RPUSD4: variants seen among roughly 807,000 people sequenced by gnomAD.
The protein encoded by RPUSD4 is pseudouridylate synthase RPUSD4, mitochondrial.
A neutral mutation model predicts 35.4 loss-of-function variants in RPUSD4; 37 were observed. The observed-to-expected ratio is 1.04, with a 90% confidence interval of 0.80 to 1.37. The LOEUF (loss-of-function observed/expected upper bound fraction) is 1.37, where lower values mean the gene tolerates loss of function less well. Among genes scored for constraint, RPUSD4 ranks in the 40% most tolerant of loss-of-function variants. RPUSD4 has a pLI of 0.00. For missense variants in RPUSD4, 507 were observed against 484.9 expected, an observed-to-expected ratio of 1.05 and a Z score of -0.43; for synonymous variants, 210 against 192.7, an observed-to-expected ratio of 1.09 and a Z score of -0.74.
At chr11:126,207,507 A>G (rs960204758) in intron 3 of RPUSD4, among the ~76,000 whole-genome samples, 6 of 152,246 alleles carry the variant, frequency 3.9e-5, no homozygotes, top group African/African-American at 1.4e-4. Flanking sequence ...AAGGACTAAC[A>G]TTCAAAATAT....
chr11:126,207,623 A>C (rs1211231659), intron 3 of RPUSD4, among the ~76,000 whole-genome samples: 1 of 152,232 alleles, frequency 6.6e-6, no homozygotes, highest in Non-Finnish European at 1.5e-5. Flanking sequence ...ACTTTGATGG[A>C]CAGATCACTT....
chr11:126,206,001 G>T, intron 3 of RPUSD4: 2 of 410,010 alleles, frequency 4.9e-6, no homozygotes, highest in Non-Finnish European at 4.3e-6. Flanking sequence ...GCTAATTGTA[G>T]AATATTTGGG....
chr11:126,211,137 C>A (rs1326002294), intron 1 of RPUSD4, 82 bp from the exon 2 acceptor site: 12 of 1,487,726 alleles, frequency 8.1e-6, no homozygotes, highest in East Asian at 2.3e-5. Flanking sequence ...GGGTGAGAAT[C>A]TGAGTAGGGA....
In RPUSD4 at chr11:126,203,380, TCA is replaced by T. The variant is rs1949733427; in HGVS notation, c.*36_*37del. The T allele has an allele frequency of 8.8e-6, 14 of 1,598,014 alleles. No homozygotes were observed. Among genetic ancestry groups the T allele is most frequent in the Non-Finnish European group, 1.2e-5 (14 of 1,177,086 alleles). On this transcript the variant is annotated 3_prime_UTR_variant, in exon 7 of 7. Coordinates refer to ENST00000298317, the MANE Select transcript of RPUSD4 (RefSeq NM_032795.3). Reference sequence around the variant, plus strand: ...AGGTGCCAGGATGCTCTCAGGGTCTTCACTGTGCTCCCAGGTGCCAGGGTGCT... The same window carrying T: ...AGGTGCCAGGATGCTCTCAGGGTCTTCTGTGCTCCCAGGTGCCAGGGTGCT...
intron 5 of RPUSD4, among the ~76,000 whole-genome samples, 178 bp downstream of exon 5, chr11:126,205,290 T>G (rs552987289): frequency 5.9e-5 from 9 of 152,348 alleles, no homozygotes; most frequent in Non-Finnish European, 1.0e-4. Context: ...GCATTCAACC[T>G]GTTTGTATTC....
chr11:126,205,324 C>A (rs676982), intron 5 of RPUSD4, 144 bp downstream of exon 5: 719,668 of 931,958 alleles, frequency 0.77, 281,305 homozygotes, highest in East Asian at 1. Flanking sequence ...AACCATCTCT[C>A]TGGGAGTCCC....
rs372897640 is a variant in RPUSD4 at position 126,205,598 on chromosome 11, C to T, written c.666G>A (p.Pro222=). ...TTTTCCCATCGTCCATGCGGTAGCT[C>T]GGGGACAATGTCATCTGAAGCCAAA... The part of the protein sequence containing the change: ...QQQHHKMTLS[P]SYRMDDGKMV... The change falls in exon 5 of 7, where the codon CCG becomes CCA. Residue 222 remains proline, a synonymous_variant. Transcript: ENST00000298317. 1.4e-5 allele frequency: 22 copies of T among 1,614,056 alleles called. No homozygotes were observed. Among genetic ancestry groups the T allele is most frequent in the African/African-American group, 5.3e-5 (4 of 74,950 alleles).
At chr11:126,203,937 T>C (rs1949741525) in intron 6 of RPUSD4, among the ~76,000 whole-genome samples, 1 of 152,114 alleles carries the variant, frequency 6.6e-6, no homozygotes, top group African/African-American at 2.4e-5. Context: ...GGTTTTTTAG[T>C]AGCACCATGA....
chr11:126,206,827 A>C (rs1304957364), intron 3 of RPUSD4, among the ~76,000 whole-genome samples: 3 of 152,186 alleles, frequency 2.0e-5, no homozygotes, highest in Non-Finnish European at 4.4e-5. Flanking sequence ...CTTCAGTTTC[A>C]GCTACTATCT....
At position 126,209,549 on chromosome 11, in the gene RPUSD4, T is replaced by A; in HGVS notation, c.529A>T (p.Arg177Ter). Residue 177 changes from arginine to a stop codon, truncating the protein, a stop_gained, in exon 3 of 7, where the codon AGA becomes TGA. Coordinates refer to ENST00000298317, the MANE Select transcript of RPUSD4 (RefSeq NM_032795.3). LOFTEE classifies it high-confidence loss of function. ...TACTTCTTCACCACCTGACGGGTTC[T>A]AAACAACTCTTGGACTTGATGTGCC... Reference protein sequence around the residue: ...DMAHQVQELFRTRQVVKKYWA... With the variant: ...DMAHQVQELF 6.2e-7 allele frequency: 1 copy of A among 1,614,256 alleles called. No homozygotes were observed. The highest frequency in any genetic ancestry group is 8.5e-7 in the Non-Finnish European group (1 of 1,180,050).
rs758906218 is a variant in RPUSD4 at position 126,203,576 on chromosome 11, G to A, written c.976C>T (p.Gln326Ter). 1 of 1,614,236 alleles carries A rather than the reference G, an allele frequency of 6.2e-7. No homozygotes were observed. Among genetic ancestry groups the A allele is most frequent in the Admixed American group, 1.7e-5 (1 of 60,032 alleles). ...GACCCCAGGGCAGGCAGGATCAGCT[G>A]CCGGGCGTGCAGGTGAAGGGGGATG... ...RYIPLHLHAR[Q>*]LILPALGSGK... Residue 326 changes from glutamine to a stop codon, truncating the protein, a stop_gained, in exon 7 of 7, where the codon CAG becomes TAG. Coordinates refer to ENST00000298317, the MANE Select transcript of RPUSD4 (RefSeq NM_032795.3). LOFTEE classifies it low-confidence loss of function (END_TRUNC).
intron 5 of RPUSD4, 87 bp downstream of exon 5, chr11:126,205,381 C>T (rs1949760472): frequency 3.3e-6 from 5 of 1,523,622 alleles, no homozygotes; most frequent in Non-Finnish European, 1.8e-6. Context: ...AAGTCAGCCA[C>T]ACTACTAGCT....
chr11:126,209,971 T>G (rs1021563204), intron 2 of RPUSD4, among the ~76,000 whole-genome samples: 1 of 152,212 alleles, frequency 6.6e-6, no homozygotes, highest in Non-Finnish European at 1.5e-5. Context: ...CAGAAGCATA[T>G]TAAAGTTTGA....
At chr11:126,208,561 G>A (rs996930712) in intron 3 of RPUSD4, 1 of 152,234 alleles carries the variant, frequency 6.6e-6, no homozygotes, top group African/African-American at 2.4e-5. Flanking sequence ...AAACACTGAG[G>A]TAAACCTCTA....
Position 126,209,308 on chromosome 11 carries a change from T to A in RPUSD4, c.557+213A>T, listed in dbSNP as rs1219383258. On this transcript the variant is annotated intron_variant, in intron 3 of 6. Transcript: ENST00000298317. ...GTCCACCCCATGCTTGTATAATTAA[T>A]TTTTGATAATTTTGATGTATACCAG... 24 of 528,806 alleles carry A rather than the reference T, an allele frequency of 4.5e-5. No individual in the cohort carries two copies. The East Asian group carries it at 6.4e-4, about 14-fold the overall frequency. 32.8% of individuals were successfully genotyped at this position (528,806 alleles called of 1,614,324 possible). A position where few individuals can be genotyped will look rare whatever the true frequency, so the allele number is the denominator to read the frequency against.
Position 126,203,431 on chromosome 11 carries a change from A to C in RPUSD4, c.1121T>G (p.Leu374Arg). ...CTCCCATGGTCTTCACTGTGCTCCC[A>C]GACACTTGGCTTCATTGTTCTCATT... is the stretch of plus-strand genomic sequence containing the variant. ...DQNENNEAKC[L>R]GAQ Residue 374 changes from leucine (L) to arginine (R), a missense_variant, in exon 7 of 7, where the codon CTG (leucine) becomes CGG (arginine). Leu to Arg is a moderately radical substitution (Grantham distance 102). Transcript: ENST00000298317. 1 of 1,613,366 alleles carries C rather than the reference A, an allele frequency of 6.2e-7. No individual in the cohort carries two copies. The highest frequency in any genetic ancestry group is 1.1e-5 in the South Asian group (1 of 91,082).
At chr11:126,209,243 T>C in intron 3 of RPUSD4, 1 of 347,634 alleles carries the variant, frequency 2.9e-6, no homozygotes, top group Non-Finnish European at 5.3e-6. Flanking sequence ...CTCCCACCTC[T>C]GCCTCTCAAA....
chr11:126,204,419 T>A, intron 5 of RPUSD4, 91 bp from the exon 6 acceptor site: 1 of 908,908 alleles, frequency 1.1e-6, no homozygotes, highest in African/African-American at 1.7e-5. Flanking sequence ...TCGTGTTACA[T>A]CAAAGTGCAG....
In RPUSD4 at chr11:126,202,099, G is replaced by A. The variant is rs1949718243; in HGVS notation, c.*1319C>T. On this transcript the variant is annotated 3_prime_UTR_variant, in exon 7 of 7. Coordinates refer to ENST00000298317, the MANE Select transcript of RPUSD4 (RefSeq NM_032795.3). Reference sequence around the variant, plus strand: ...AAACAAATATAGTCATCTCGTCTGTGCTTTCAAAGTTAAATTTATTATGCA... The same window carrying A: ...AAACAAATATAGTCATCTCGTCTGTACTTTCAAAGTTAAATTTATTATGCA... 1 of 152,208 alleles carries A rather than the reference G, an allele frequency of 6.6e-6. No individual in the cohort carries two copies. The highest frequency in any genetic ancestry group is 6.5e-5 in the Admixed American group (1 of 15,280). 9.4% of individuals were successfully genotyped at this position (152,208 alleles called of 1,614,324 possible).
Sources: allele counts gnomAD v4.1 joint callset (sites outside exome capture counted in the v4.1 genomes callset), GRCh38; gene constraint gnomAD v4.1.1; transcripts MANE v1.5; gene names NCBI Gene and HGNC (gene_info 2026-07-23, HGNC 2026-07-21).